Variants in COL4A1 observed in about 807,000 individuals in gnomAD.
COL4A1 encodes the protein collagen type IV alpha 1 chain, also known as collagen alpha-1(IV) chain.
A neutral mutation model predicts 216.6 loss-of-function variants in COL4A1; 40 were observed. The ratio of observed to expected loss-of-function variants is 0.18; its 90% CI spans 0.14 to 0.24. The LOEUF (loss-of-function observed/expected upper bound fraction) is 0.24, where lower values mean the gene tolerates loss of function less well. COL4A1 is among the 10% of genes least tolerant of loss of function. COL4A1 has a pLI of 1.00. For synonymous variants in COL4A1, 839 were observed against 810.7 expected (o/e 1.03, Z -0.59); for missense variants, 1,628 against 2,196.8 (o/e 0.74, Z 5.18).
At chr13:110,181,450 C>G in intron 28 of COL4A1, 61 bp from the exon 29 acceptor site, 1 of 1,448,532 alleles carries the variant, frequency 6.9e-7, no homozygotes, top group Admixed American at 1.9e-5. Flanking sequence ...CAATGCCGTT[C>G]CCCACTTTCT....
chr13:110,153,849 G>GA (rs1298463457), intron 50 of COL4A1, among the ~76,000 whole-genome samples: 1 of 152,046 alleles, frequency 6.6e-6, no homozygotes, highest in Non-Finnish European at 1.5e-5. Context: ...AAAAGCACAA[G>GA]AAAAAACCAG....
chr13:110,292,045 C>T (rs771148108), intron 1 of COL4A1, among the ~76,000 whole-genome samples: 9 of 152,190 alleles, frequency 5.9e-5, no homozygotes, highest in African/African-American at 9.7e-5. Context: ...GATTAACATT[C>T]GCCAAAACTG....
intron 51 of COL4A1, among the ~76,000 whole-genome samples, chr13:110,151,971 G>A (rs1191691424): frequency 6.6e-6 from 1 of 152,154 alleles, no homozygotes; most frequent in Admixed American, 6.5e-5. Context: ...TCAGTGTTAT[G>A]AATGGCATGA....
chr13:110,206,814 A>C, intron 14 of COL4A1, 51 bp downstream of exon 14: 1 of 1,612,458 alleles, frequency 6.2e-7, no homozygotes, highest in Non-Finnish European at 8.5e-7. Context: ...TTGAAACTTA[A>C]ATCTTTATGG....
intron 51 of COL4A1, 70 bp downstream of exon 51, chr13:110,152,264 A>G: frequency 6.3e-7 from 1 of 1,594,864 alleles, no homozygotes; most frequent in Non-Finnish European, 8.5e-7. Context: ...GGTGTTACGG[A>G]TCGCGGATGA....
rs777123719 is a variant in COL4A1 at position 110,212,604 on chromosome 13, T to C, written c.294A>G (p.Ala98=). Residue 98 remains alanine, a synonymous_variant, in exon 5 of 52, where the codon GCA becomes GCG. Coordinates refer to ENST00000375820, the MANE Select transcript of COL4A1 (RefSeq NM_001845.6). ...GTCCTGGGTTTCCAGGGTAGCCAGA[T>C]GCTCCCGGAGGTCCCTGTGAGGGCG... is the stretch of plus-strand genomic sequence containing the variant. ...GTKGTRGPPG[A]SGYPGNPGLP... The C allele has an allele frequency of 6.2e-6, 10 of 1,614,024 alleles. No individual in the cohort carries two copies. The highest frequency in any genetic ancestry group is 8.5e-6 in the Non-Finnish European group (10 of 1,180,048).
At chr13:110,250,695 G>A (rs1882032937) in intron 1 of COL4A1, among the ~76,000 whole-genome samples, 1 of 152,150 alleles carries the variant, frequency 6.6e-6, no homozygotes, top group South Asian at 2.1e-4. Flanking sequence ...GGTGGGCTTC[G>A]TGTGTGTCTG....
chr13:110,242,834 G>T, intron 1 of COL4A1, 100 bp from the exon 2 acceptor site: 1 of 1,292,868 alleles, frequency 7.7e-7, no homozygotes, highest in Non-Finnish European at 1.1e-6. Flanking sequence ...GTTTATGAGC[G>T]AAGCCTGCCC....
intron 1 of COL4A1, among the ~76,000 whole-genome samples, chr13:110,283,673 A>G (rs977845354): frequency 1.3e-5 from 2 of 152,186 alleles, no homozygotes; most frequent in African/African-American, 4.8e-5. Flanking sequence ...ACACTCATGC[A>G]CACACCCACA....
chr13:110,177,897 G>A lies in COL4A1; in HGVS notation c.2661C>T (p.Pro887=), dbSNP rs749161789. The change falls in exon 33 of 52, where the codon CCC becomes CCT. Residue 887 remains proline, a synonymous_variant. Coordinates refer to ENST00000375820, the MANE Select transcript of COL4A1 (RefSeq NM_001845.6). ...SKGEMGVMGT[P]GQPGSPGPVG... ...CTGGTCCTGGTGAGCCCGGCTGCCC[G>A]GGGGTCCCCATGACGCCCATTTCTC... The A allele has an allele frequency of 1.6e-5, 26 of 1,613,956 alleles. No homozygotes were observed. Among genetic ancestry groups the A allele is most frequent in the African/African-American group, 8.0e-5 (6 of 74,900 alleles).
chr13:110,221,509 A>G lies in COL4A1; in HGVS notation c.145-7494T>C, dbSNP rs545089384. ...GTCCCCGATCCAGTAAAAATGTTCT[A>G]GGAGAACTGAGTGCTGATAAATTAC... On this transcript the variant is annotated intron_variant, in intron 2 of 51. Transcript: ENST00000375820. Among the ~76,000 whole-genome samples the G allele has an allele frequency of 1.2e-3, 184 of 152,330 alleles. 1 individual carries two copies. Among genetic ancestry groups the G allele is most frequent in the Non-Finnish European group, 2.3e-3 (157 of 68,034 alleles).
At chr13:110,205,810 C>T (rs890449118) in intron 15 of COL4A1, among the ~76,000 whole-genome samples, 8 of 151,752 alleles carry the variant, frequency 5.3e-5, no homozygotes, top group Admixed American at 5.3e-4. Flanking sequence ...TTGCAGTGAG[C>T]CGAGATCACA....
In COL4A1 at chr13:110,217,324, A is replaced by T. The variant is rs1388960157; in HGVS notation, c.145-3309T>A. ...TTGTGCAAAGGTTATTGGAGCTAGC[A>T]GGGTCCAAGCCAGACTTTGCAGCTG... On this transcript the variant is annotated intron_variant, in intron 2 of 51. Transcript: ENST00000375820. Among the ~76,000 whole-genome samples, 3 of 152,220 alleles carry T rather than the reference A, an allele frequency of 2.0e-5. No homozygotes were observed. The East Asian group carries it at 5.8e-4, about 29-fold the overall frequency.
intron 1 of COL4A1, among the ~76,000 whole-genome samples, chr13:110,271,965 T>C (rs1353288762): frequency 6.6e-6 from 1 of 152,238 alleles, no homozygotes; most frequent in Non-Finnish European, 1.5e-5. Flanking sequence ...ATCGTATTTG[T>C]GGTCTTCAAA....
At chr13:110,182,021 C>G (rs923020876) in intron 28 of COL4A1, among the ~76,000 whole-genome samples, 5 of 152,244 alleles carry the variant, frequency 3.3e-5, no homozygotes, top group Admixed American at 1.3e-4. Flanking sequence ...CAGATAGGGT[C>G]TGTCCTCCTC....
chr13:110,205,864 A>AAT (rs1036587966), intron 15 of COL4A1, among the ~76,000 whole-genome samples: 116 of 151,636 alleles, frequency 7.6e-4, no homozygotes, highest in East Asian at 6.0e-3. Context: ...CTCTGTCTCA[A>AAT]ATATATATAT....
chr13:110,305,716 G>A (rs578236843), intron 1 of COL4A1: 1 of 152,354 alleles, frequency 6.6e-6, no homozygotes, highest in East Asian at 1.9e-4. Context: ...GTAATCATTA[G>A]TCCTTTCAAT....
intron 36 of COL4A1, 152 bp from the exon 37 acceptor site, chr13:110,175,509 C>A: frequency 7.2e-7 from 1 of 1,388,238 alleles, no homozygotes; most frequent in Non-Finnish European, 9.9e-7. Flanking sequence ...GCACATCCCT[C>A]ATGTATCAAT....
intron 2 of COL4A1, among the ~76,000 whole-genome samples, chr13:110,231,112 G>A (rs920741275): frequency 2.5e-4 from 38 of 152,222 alleles, no homozygotes; most frequent in Admixed American, 1.6e-3. Context: ...TCCAGCCCGC[G>A]TGGTGAGGAG....
Sources: gnomAD v4.1 joint callset for allele counts (sites outside exome capture counted in the v4.1 genomes callset) on GRCh38, gnomAD v4.1.1 for gene constraint, MANE v1.5 for transcripts, NCBI Gene and HGNC (gene_info 2026-07-23, HGNC 2026-07-21) for gene names.